WHRN: variants seen among roughly 807,000 people sequenced by gnomAD.
WHRN encodes CASK-interacting protein CIP98.
WHRN carries 41 observed loss-of-function variants against 68.3 expected under a neutral mutation model. That is an observed-to-expected ratio of 0.60 (90% CI 0.47 to 0.78). The LOEUF is 0.78. WHRN is among the 30% of genes least tolerant of loss of function. The pLI is 0.00. For missense variants in WHRN, 1,243 were observed against 1,244.7 expected (o/e 1.00, Z 0.02); for synonymous variants, 560 against 561.3 (o/e 1.00, Z 0.03).
At chr9:114,490,340 T>C (rs1371244007) in intron 1 of WHRN, among the ~76,000 whole-genome samples, 3 of 152,206 alleles carry the variant, frequency 2.0e-5, no homozygotes. Flanking sequence ...CCAGGGGAGA[T>C]GGCAGAGAAA....
chr9:114,404,099 G>C, intron 9 of WHRN, 22 bp from the exon 10 acceptor site: 2 of 1,609,924 alleles, frequency 1.2e-6, no homozygotes, highest in Non-Finnish European at 1.7e-6. Flanking sequence ...AAAAGGAAGA[G>C]AGAAGCAGCT....
At chr9:114,428,425 G>T (rs907657247) in intron 3 of WHRN, among the ~76,000 whole-genome samples, 2 of 152,148 alleles carry the variant, frequency 1.3e-5, no homozygotes, top group Non-Finnish European at 2.9e-5. Context: ...CATTACACCA[G>T]CCTTCTTTGT....
chr9:114,500,075 A>C (rs185181606), intron 1 of WHRN, among the ~76,000 whole-genome samples: 3 of 152,218 alleles, frequency 2.0e-5, no homozygotes, highest in Non-Finnish European at 4.4e-5. Context: ...CTAGGCATTA[A>C]ATTTTCTAAA....
In WHRN at chr9:114,492,353, A is replaced by T. The variant is rs1308541811; in HGVS notation, c.618+11831T>A. ...AGGGATGTCTAAAGCAGCAATATGGATAATATTAAAAAACAAACTGTCTAA... is the reference window on the plus strand; with the variant it reads ...AGGGATGTCTAAAGCAGCAATATGGTTAATATTAAAAAACAAACTGTCTAA... On this transcript the variant is annotated intron_variant, in intron 1 of 11. Transcript: ENST00000362057. 2.0e-5 allele frequency among the ~76,000 whole-genome samples: 3 copies of T among 152,226 alleles called. No homozygotes were observed. The South Asian group carries it at 6.2e-4, about 32-fold the overall frequency.
At chr9:114,473,321 T>C (rs1448874009) in intron 2 of WHRN, among the ~76,000 whole-genome samples, 1 of 152,206 alleles carries the variant, frequency 6.6e-6, no homozygotes, top group African/African-American at 2.4e-5. Context: ...ACTGGTGCTG[T>C]GTGCAGGCAG....
intron 2 of WHRN, among the ~76,000 whole-genome samples, chr9:114,468,186 G>A (rs1840887847): frequency 6.6e-6 from 1 of 152,234 alleles, no homozygotes; most frequent in Middle Eastern, 3.4e-3. Context: ...TGTCTTATAA[G>A]GTTACCATGA....
chr9:114,402,619 G>T lies in WHRN; in HGVS notation c.*135C>A. On this transcript the variant is annotated 3_prime_UTR_variant, in exon 12 of 12. Coordinates refer to ENST00000362057, the MANE Select transcript of WHRN (RefSeq NM_015404.4). ...TCTCCCAGTTCTGGTCCAGTGGGCTGGGATGGAGGGGGGATGTCTTCCTGC... is the reference window on the plus strand; with the variant it reads ...TCTCCCAGTTCTGGTCCAGTGGGCTTGGATGGAGGGGGGATGTCTTCCTGC... 2 of 1,107,786 alleles carry T rather than the reference G, an allele frequency of 1.8e-6. No homozygotes were observed. Among genetic ancestry groups the T allele is most frequent in the Non-Finnish European group, 2.7e-6 (2 of 735,808 alleles). The allele number at this position is 1,107,786 out of a possible 1,614,324, so 68.6% of individuals were successfully genotyped here.
At chr9:114,492,624 G>T (rs1843080757) in intron 1 of WHRN, among the ~76,000 whole-genome samples, 1 of 152,162 alleles carries the variant, frequency 6.6e-6, no homozygotes, top group Non-Finnish European at 1.5e-5. Flanking sequence ...TCTGGCAGGT[G>T]AGTGGGTACA....
At chr9:114,484,692 G>A (rs1842348938) in intron 1 of WHRN, among the ~76,000 whole-genome samples, 1 of 152,198 alleles carries the variant, frequency 6.6e-6, no homozygotes, top group African/African-American at 2.4e-5. Context: ...CCAGCAGATG[G>A]CACGACTAAG....
intron 3 of WHRN, among the ~76,000 whole-genome samples, chr9:114,464,813 CATAATG>C (rs768964321): frequency 2.1e-4 from 25 of 120,990 alleles, no homozygotes; most frequent in South Asian, 1.6e-3. Context: ...TGATTATGTC[CATAATG>C]ATGATGATGA....
intron 7 of WHRN, among the ~76,000 whole-genome samples, chr9:114,416,911 G>C (rs2132287803): frequency 1.3e-5 from 2 of 152,296 alleles, no homozygotes; most frequent in East Asian, 3.9e-4. Flanking sequence ...TGCCCAAGGT[G>C]ACAAAGCTAC....
At chr9:114,490,658 G>A (rs1842903240) in intron 1 of WHRN, among the ~76,000 whole-genome samples, 1 of 152,194 alleles carries the variant, frequency 6.6e-6, no homozygotes, top group Admixed American at 6.5e-5. Context: ...GGATCTCAGA[G>A]GCTGGAAGAA....
intron 7 of WHRN, among the ~76,000 whole-genome samples, chr9:114,422,797 T>C (rs1468482861): frequency 6.6e-6 from 1 of 152,172 alleles, no homozygotes; most frequent in Non-Finnish European, 1.5e-5. Context: ...ATTGCACCCC[T>C]GCACTCCAGC....
intron 7 of WHRN, among the ~76,000 whole-genome samples, chr9:114,412,473 C>T (rs2132255965): frequency 6.6e-6 from 1 of 152,314 alleles, no homozygotes; most frequent in Middle Eastern, 3.4e-3. Context: ...ACCCACTCTA[C>T]AGCTGAGGTG....
At chr9:114,434,701 T>C (rs1837700582) in intron 3 of WHRN, among the ~76,000 whole-genome samples, 1 of 152,114 alleles carries the variant, frequency 6.6e-6, no homozygotes, top group Non-Finnish European at 1.5e-5. Flanking sequence ...ACCTGGACCA[T>C]TACCACAGCC....
At chr9:114,417,721 C>A (rs1564126932) in intron 7 of WHRN, among the ~76,000 whole-genome samples, 3 of 152,176 alleles carry the variant, frequency 2.0e-5, no homozygotes, top group Admixed American at 2.0e-4. Flanking sequence ...TGTTGTAGAC[C>A]ACACAGCGGC....
chr9:114,417,714 T>C (rs1835919449), intron 7 of WHRN, among the ~76,000 whole-genome samples: 1 of 152,246 alleles, frequency 6.6e-6, no homozygotes, highest in Non-Finnish European at 1.5e-5. Context: ...TATGTGGTGT[T>C]GTAGACCACA....
intron 3 of WHRN, among the ~76,000 whole-genome samples, chr9:114,457,064 C>T (rs1051768195): frequency 1.3e-5 from 2 of 152,132 alleles, no homozygotes; most frequent in African/African-American, 4.8e-5. Context: ...GAGATGAATA[C>T]ATACAGATAC....
chr9:114,425,120 T>C, intron 4 of WHRN, 96 bp from the exon 5 acceptor site: 5 of 1,280,800 alleles, frequency 3.9e-6, no homozygotes, highest in Non-Finnish European at 5.7e-6. Flanking sequence ...AGAGCAAAGC[T>C]TCAAGAGAAC....
Sources: gnomAD v4.1 joint callset for allele counts (sites outside exome capture counted in the v4.1 genomes callset) on GRCh38, gnomAD v4.1.1 for gene constraint, MANE v1.5 for transcripts, NCBI Gene and HGNC (gene_info 2026-07-23, HGNC 2026-07-21) for gene names.